The following ALK variants were observed in gnomAD, a reference collection of about 807,000 sequenced individuals.
ALK encodes ALK tyrosine kinase receptor.
In ALK, 74 loss-of-function variants were observed where a neutral mutation model predicts 163.1. The ratio of observed to expected loss-of-function variants is 0.45; its 90% CI spans 0.38 to 0.55. The LOEUF (loss-of-function observed/expected upper bound fraction) is 0.55. ALK is among the 20% of genes least tolerant of loss of function. ALK has a pLI of 0.00. For synonymous variants in ALK, 960 were observed against 843.2 expected (o/e 1.14, Z -2.40); for missense variants, 2,063 against 2,105.3 (o/e 0.98, Z 0.39).
chr2:29,654,580 G>C (rs1172506419), intron 3 of ALK, among the ~76,000 whole-genome samples: 1 of 152,152 alleles, frequency 6.6e-6, no homozygotes, highest in Non-Finnish European at 1.5e-5. Context: ...TTAGGACCCA[G>C]AGAAAAGTGA....
intron 3 of ALK, among the ~76,000 whole-genome samples, chr2:29,556,297 A>T (rs1022826746): frequency 1.3e-5 from 2 of 152,216 alleles, no homozygotes; most frequent in African/African-American, 4.8e-5. Context: ...GGACAGTGAC[A>T]GGACTCTCTT....
chr2:29,365,105 G>T (rs1668470682), intron 5 of ALK, among the ~76,000 whole-genome samples: 1 of 152,288 alleles, frequency 6.6e-6, no homozygotes, highest in South Asian at 2.1e-4. Context: ...TTTCACCGAG[G>T]TGTGCTGTCC....
At position 29,834,064 on chromosome 2, in the gene ALK, C is replaced by T. The variant is rs148474375; in HGVS notation, c.667+85929G>A. Reference sequence around the variant, plus strand: ...GTATACGAAAGCACTTTGTAAACTGCAAAGGTATATAAAATATTATTAAAC... The same window carrying T: ...GTATACGAAAGCACTTTGTAAACTGTAAAGGTATATAAAATATTATTAAAC... On this transcript the variant is annotated intron_variant, in intron 1 of 28. Transcript: ENST00000389048. 1.7e-3 allele frequency among the ~76,000 whole-genome samples: 260 copies of T among 152,224 alleles called. 3 individuals are homozygous for T. The highest frequency in any genetic ancestry group is 6.1e-3 in the African/African-American group (254 of 41,534).
chr2:29,610,615 C>G (rs1675665325), intron 3 of ALK, among the ~76,000 whole-genome samples: 1 of 152,090 alleles, frequency 6.6e-6, no homozygotes, highest in Non-Finnish European at 1.5e-5. Flanking sequence ...AGGTTTCTCT[C>G]CAGTTTGGTC....
chr2:29,615,202 A>G (rs1167737995), intron 3 of ALK, among the ~76,000 whole-genome samples: 2 of 151,814 alleles, frequency 1.3e-5, no homozygotes, highest in Admixed American at 6.6e-5. Flanking sequence ...CCTCCTTCCT[A>G]CTTGGTTACA....
At chr2:29,826,895 G>A (rs1200819270) in intron 1 of ALK, among the ~76,000 whole-genome samples, 1 of 152,266 alleles carries the variant, frequency 6.6e-6, no homozygotes, top group Non-Finnish European at 1.5e-5. Context: ...CATATGCCAT[G>A]TCGGTATTAG....
At chr2:29,230,967 G>A (rs149376106) in intron 15 of ALK, among the ~76,000 whole-genome samples, 93 of 152,224 alleles carry the variant, frequency 6.1e-4, no homozygotes, top group African/African-American at 1.8e-3. Flanking sequence ...CCCCATACCC[G>A]TTCTGCAGCC....
intron 4 of ALK, among the ~76,000 whole-genome samples, chr2:29,529,135 C>A (rs1022417273): frequency 3.3e-5 from 5 of 152,210 alleles, no homozygotes; most frequent in Admixed American, 6.5e-5. Context: ...GCTCCTGCCC[C>A]ACCCGTGCAC....
chr2:29,534,649 A>G (rs1673205956), intron 3 of ALK, among the ~76,000 whole-genome samples: 5 of 152,214 alleles, frequency 3.3e-5, no homozygotes. Context: ...TAAAGAAAGT[A>G]TCTCCATTCT....
intron 5 of ALK, among the ~76,000 whole-genome samples, chr2:29,362,004 G>A (rs1668399121): frequency 6.6e-6 from 1 of 152,154 alleles, no homozygotes; most frequent in African/African-American, 2.4e-5. Flanking sequence ...AGGGAGAGAA[G>A]GATGGAGAAA....
chr2:29,817,957 C>G (rs1030747751), intron 1 of ALK, among the ~76,000 whole-genome samples: 1 of 152,140 alleles, frequency 6.6e-6, no homozygotes, highest in Non-Finnish European at 1.5e-5. Flanking sequence ...AAAAACCAAG[C>G]GCTTATGGCC....
At chr2:29,723,089 T>C (rs1679467980) in intron 1 of ALK, among the ~76,000 whole-genome samples, 1 of 152,196 alleles carries the variant, frequency 6.6e-6, no homozygotes, top group Admixed American at 6.5e-5. Context: ...AGATTGACAC[T>C]GCAGCCCCTG....
chr2:29,806,406 C>A (rs183130928), intron 1 of ALK, among the ~76,000 whole-genome samples: 1 of 152,080 alleles, frequency 6.6e-6, no homozygotes, highest in African/African-American at 2.4e-5. Flanking sequence ...AAAATGAGAT[C>A]GAAATCTAGG....
At chr2:29,324,132 A>T (rs1573233151) in intron 6 of ALK, among the ~76,000 whole-genome samples, 1 of 152,286 alleles carries the variant, frequency 6.6e-6, no homozygotes, top group Non-Finnish European at 1.5e-5. Flanking sequence ...CATTGGCTGG[A>T]TGGCCAAATC....
At chr2:29,795,358 T>C (rs1664281944) in intron 1 of ALK, among the ~76,000 whole-genome samples, 1 of 152,228 alleles carries the variant, frequency 6.6e-6, no homozygotes, top group Non-Finnish European at 1.5e-5. Flanking sequence ...TCTTATACAC[T>C]TCTAGTGGGA....
chr2:29,200,781 A>G (rs55674826), intron 26 of ALK, among the ~76,000 whole-genome samples: 28,343 of 132,306 alleles, frequency 0.21, 5,035 homozygotes, highest in East Asian at 0.69. Flanking sequence ...ACGTATATAT[A>G]TGTATATACA....
intron 24 of ALK, among the ~76,000 whole-genome samples, chr2:29,211,351 G>A (rs551314831): frequency 6.6e-6 from 1 of 152,204 alleles, no homozygotes; most frequent in African/African-American, 2.4e-5. Context: ...ATATAGCAAA[G>A]TAGACCAGGA....
chr2:29,317,837 C>A (rs1666879820), intron 8 of ALK, among the ~76,000 whole-genome samples: 1 of 152,210 alleles, frequency 6.6e-6, no homozygotes, highest in South Asian at 2.1e-4. Flanking sequence ...AATGAGATAA[C>A]AGCATCAGGA....
chr2:29,872,460 G>T (rs978469498), intron 1 of ALK, among the ~76,000 whole-genome samples: 1 of 152,182 alleles, frequency 6.6e-6, no homozygotes, highest in African/African-American at 2.4e-5. Context: ...CAACATCATA[G>T]GTTAGCCTAG....
Sources: gnomAD v4.1 joint callset for allele counts (sites outside exome capture counted in the v4.1 genomes callset) on GRCh38, gnomAD v4.1.1 for gene constraint, MANE v1.5 for transcripts, NCBI Gene and HGNC (gene_info 2026-07-23, HGNC 2026-07-21) for gene names.